The following VSTM4 variants were observed in gnomAD, a reference collection of about 807,000 sequenced individuals.
VSTM4 encodes V-set and transmembrane domain containing 4.
In VSTM4, 20 loss-of-function variants were observed where a neutral mutation model predicts 36.4. The observed-to-expected ratio is 0.55, with a 90% CI of 0.39 to 0.80. The LOEUF (loss-of-function observed/expected upper bound fraction) is 0.80. Ranked by LOEUF, VSTM4 falls within the 30% of genes least tolerant of loss-of-function variation. The pLI is 0.00. For missense variants in VSTM4, 392 were observed against 404.5 expected (o/e 0.97, Z 0.26); for synonymous variants, 182 against 173.9 (o/e 1.05, Z -0.37).
At chr10:49,061,177 A>G (rs181928456) in intron 5 of VSTM4, among the ~76,000 whole-genome samples, 33 of 152,288 alleles carry the variant, frequency 2.2e-4, no homozygotes, top group African/African-American at 7.9e-4. Flanking sequence ...CTGTTTCCAC[A>G]TTTAGAGATT....
chr10:49,115,227 G>T (rs1325018024), intron 1 of VSTM4, among the ~76,000 whole-genome samples: 1 of 151,866 alleles, frequency 6.6e-6, no homozygotes, highest in Non-Finnish European at 1.5e-5. Context: ...CACGGGAGGC[G>T]TCCTCTGAAC....
chr10:49,066,825 G>C (rs1405067775), intron 4 of VSTM4, among the ~76,000 whole-genome samples: 1 of 151,746 alleles, frequency 6.6e-6, no homozygotes, highest in African/African-American at 2.4e-5. Context: ...TATGAAATGA[G>C]GAAATTAAAA....
intron 7 of VSTM4, among the ~76,000 whole-genome samples, chr10:49,030,089 G>A (rs563689179): frequency 7.7e-4 from 117 of 152,334 alleles, no homozygotes; most frequent in African/African-American, 2.6e-3. Context: ...GCAGACCCCT[G>A]AGCAGAGCTG....
intron 7 of VSTM4, among the ~76,000 whole-genome samples, chr10:49,041,448 C>A (rs1219026331): frequency 6.6e-6 from 1 of 152,176 alleles, no homozygotes; most frequent in East Asian, 1.9e-4. Context: ...CTGCCCCAAT[C>A]AATTATCTGT....
intron 2 of VSTM4, among the ~76,000 whole-genome samples, chr10:49,087,975 A>C (rs555033935): frequency 1.2e-3 from 160 of 132,098 alleles, no homozygotes; most frequent in African/African-American, 5.7e-3. Flanking sequence ...GTATATATAC[A>C]TATGTAATAT....
At chr10:49,087,305 CA>C (rs1844386706) in intron 2 of VSTM4, among the ~76,000 whole-genome samples, 2 of 152,196 alleles carry the variant, frequency 1.3e-5, no homozygotes, top group African/African-American at 4.8e-5. Context: ...CCATATCAAT[CA>C]TATTATTTTA....
intron 4 of VSTM4, among the ~76,000 whole-genome samples, chr10:49,074,829 G>T (rs1030407399): frequency 6.6e-6 from 1 of 152,196 alleles, no homozygotes; most frequent in African/African-American, 2.4e-5. Context: ...AACATGAGAG[G>T]CTTGGGAACC....
At chr10:49,022,664 T>C (rs958836295) in intron 7 of VSTM4, among the ~76,000 whole-genome samples, 4 of 152,158 alleles carry the variant, frequency 2.6e-5, no homozygotes, top group African/African-American at 9.7e-5. Context: ...AAACCCTGTT[T>C]ACATTCTCGC....
At chr10:49,064,541 G>A (rs1843937637) in intron 5 of VSTM4, 162 bp downstream of exon 5, 2 of 812,758 alleles carry the variant, frequency 2.5e-6, no homozygotes, top group African/African-American at 1.8e-5. Context: ...GTAGACCTTG[G>A]AAACATGCAA....
intron 7 of VSTM4, among the ~76,000 whole-genome samples, chr10:49,044,628 A>G (rs1843576307): frequency 6.6e-6 from 1 of 152,176 alleles, no homozygotes; most frequent in Non-Finnish European, 1.5e-5. Flanking sequence ...ATATATGCAT[A>G]GAGATATGTC....
chr10:49,109,364 G>C lies in VSTM4; in HGVS notation c.56-1369C>G, dbSNP rs571407218. Among the ~76,000 whole-genome samples, 13 of 152,288 alleles carry C rather than the reference G, an allele frequency of 8.5e-5. No individual in the cohort carries two copies. The East Asian group carries it at 2.5e-3, about 29-fold the overall frequency. On this transcript the variant is annotated intron_variant, in intron 1 of 7. Coordinates refer to ENST00000332853, the MANE Select transcript of VSTM4 (RefSeq NM_001031746.5). ...CAAGCAGGCGGCCCTGCGGTGGGCTGGGGGAGGGATGGTAGATACAAACTA... is the reference window on the plus strand; with the variant it reads ...CAAGCAGGCGGCCCTGCGGTGGGCTCGGGGAGGGATGGTAGATACAAACTA...
At chr10:49,056,367 C>T (rs1843779449) in intron 5 of VSTM4, among the ~76,000 whole-genome samples, 1 of 152,224 alleles carries the variant, frequency 6.6e-6, no homozygotes, top group Non-Finnish European at 1.5e-5. Flanking sequence ...AGGCTTGGCT[C>T]CTAGTAATAA....
intron 2 of VSTM4, among the ~76,000 whole-genome samples, chr10:49,105,221 G>C (rs1325880193): frequency 6.7e-6 from 1 of 148,900 alleles, no homozygotes; most frequent in African/African-American, 2.5e-5. Context: ...GACAGAGAGA[G>C]AGAGAGAGAG....
chr10:49,093,378 CT>C (rs1295589675), intron 2 of VSTM4, among the ~76,000 whole-genome samples: 2 of 152,198 alleles, frequency 1.3e-5, no homozygotes, highest in Non-Finnish European at 2.9e-5. Flanking sequence ...GACAAGGGAA[CT>C]TTTCCCGTTT....
intron 7 of VSTM4, among the ~76,000 whole-genome samples, chr10:49,042,176 C>T (rs1843531360): frequency 6.6e-6 from 1 of 152,170 alleles, no homozygotes; most frequent in East Asian, 1.9e-4. Flanking sequence ...ATGGGATGCT[C>T]CAAGGCCAAG....
intron 2 of VSTM4, among the ~76,000 whole-genome samples, chr10:49,101,026 C>T (rs1844656311): frequency 6.6e-6 from 1 of 151,730 alleles, no homozygotes; most frequent in Admixed American, 6.6e-5. Context: ...AAAACAGATT[C>T]CAAAGAGATA....
intron 7 of VSTM4, among the ~76,000 whole-genome samples, chr10:49,037,652 C>T (rs189133222): frequency 8.5e-5 from 13 of 152,236 alleles, no homozygotes; most frequent in African/African-American, 3.1e-4. Flanking sequence ...ACACAATTAA[C>T]AGAATGAAAA....
intron 4 of VSTM4, among the ~76,000 whole-genome samples, chr10:49,068,938 A>G (rs1844022974): frequency 1.3e-5 from 2 of 152,270 alleles, no homozygotes; most frequent in Non-Finnish European, 2.9e-5. Context: ...TAGGATCCTT[A>G]GGACTTTGAA....
chr10:49,082,546 A>G (rs1844298620), intron 3 of VSTM4, among the ~76,000 whole-genome samples: 1 of 152,144 alleles, frequency 6.6e-6, no homozygotes, highest in East Asian at 1.9e-4. Context: ...GTGGTGGCAC[A>G]TGCCTGTAAT....
Sources: gnomAD v4.1 joint callset for allele counts (sites outside exome capture counted in the v4.1 genomes callset) on GRCh38, gnomAD v4.1.1 for gene constraint, MANE v1.5 for transcripts, NCBI Gene and HGNC (gene_info 2026-07-23, HGNC 2026-07-21) for gene names.